Variants in UNC5D observed in about 807,000 individuals in gnomAD.
UNC5D encodes netrin receptor UNC5D.
A neutral mutation model predicts 105.4 loss-of-function variants in UNC5D; 39 were observed. The observed-to-expected ratio is 0.37, with a 90% CI of 0.29 to 0.48. The LOEUF is 0.48. UNC5D is among the 20% of genes least tolerant of loss of function. The pLI is 0.98. For synonymous variants in UNC5D, 452 were observed against 450.4 expected (o/e 1.00, Z -0.04); for missense variants, 991 against 1,202.4 (o/e 0.82, Z 2.60).
intron 1 of UNC5D, among the ~76,000 whole-genome samples, chr8:35,338,204 C>A (rs572035997): frequency 6.6e-6 from 1 of 152,078 alleles, no homozygotes; most frequent in Admixed American, 6.5e-5. Context: ...GAAATTGCAC[C>A]AGAAATTCTT....
At chr8:35,311,373 G>A (rs1392990463) in intron 1 of UNC5D, among the ~76,000 whole-genome samples, 1 of 152,146 alleles carries the variant, frequency 6.6e-6, no homozygotes, top group Admixed American at 6.6e-5. Flanking sequence ...TGGAGTAGTA[G>A]TCAAAAGTTC....
chr8:35,772,579 A>T (rs995637577), intron 15 of UNC5D, among the ~76,000 whole-genome samples: 1 of 152,172 alleles, frequency 6.6e-6, no homozygotes, highest in Non-Finnish European at 1.5e-5. Flanking sequence ...CATAACAGGC[A>T]AGTTTCTAAG....
intron 1 of UNC5D, among the ~76,000 whole-genome samples, chr8:35,398,394 A>G (rs1804233224): frequency 6.6e-6 from 1 of 152,140 alleles, no homozygotes; most frequent in South Asian, 2.1e-4. Flanking sequence ...TTTGTTTAAC[A>G]TCTTTTACCT....
At chr8:35,548,912 T>A (rs1815898133) in intron 1 of UNC5D, among the ~76,000 whole-genome samples, 1 of 152,208 alleles carries the variant, frequency 6.6e-6, no homozygotes, top group African/African-American at 2.4e-5. Flanking sequence ...ATTCTCACCA[T>A]TTTTCAAAAT....
At chr8:35,379,586 G>A (rs901756765) in intron 1 of UNC5D, among the ~76,000 whole-genome samples, 7 of 152,042 alleles carry the variant, frequency 4.6e-5, no homozygotes, top group Admixed American at 1.3e-4. Flanking sequence ...TGCCTGGACC[G>A]TCCTGCACTA....
intron 1 of UNC5D, among the ~76,000 whole-genome samples, chr8:35,238,784 T>C (rs1351869208): frequency 6.6e-6 from 1 of 152,198 alleles, no homozygotes; most frequent in Non-Finnish European, 1.5e-5. Context: ...GAGTAATGCA[T>C]TAATGGCAAG....
chr8:35,416,419 T>C (rs1298971693), intron 1 of UNC5D, among the ~76,000 whole-genome samples: 1 of 152,138 alleles, frequency 6.6e-6, no homozygotes, highest in Non-Finnish European at 1.5e-5. Flanking sequence ...AAATGACTAA[T>C]TGAGAACACA....
At chr8:35,723,195 C>T (rs915354157) in intron 9 of UNC5D, among the ~76,000 whole-genome samples, 11 of 152,022 alleles carry the variant, frequency 7.2e-5, no homozygotes, top group South Asian at 2.1e-4. Flanking sequence ...GTGCCTACAG[C>T]GCGGAACCAG....
intron 11 of UNC5D, among the ~76,000 whole-genome samples, chr8:35,747,668 T>A (rs1253856996): frequency 1.3e-5 from 2 of 152,192 alleles, no homozygotes; most frequent in Non-Finnish European, 2.9e-5. Context: ...CTGATTACTG[T>A]TCTGTAAACT....
chr8:35,699,461 G>A (rs1050508817), intron 7 of UNC5D, among the ~76,000 whole-genome samples: 3 of 152,120 alleles, frequency 2.0e-5, no homozygotes, highest in Non-Finnish European at 4.4e-5. Context: ...CAATAGAACC[G>A]TTTTTCATTT....
intron 12 of UNC5D, 118 bp from the exon 13 acceptor site, chr8:35,750,464 T>G: frequency 9.9e-7 from 1 of 1,014,144 alleles, no homozygotes; most frequent in Non-Finnish European, 1.5e-6. Flanking sequence ...AATTGGGCAA[T>G]AGGACTATTC....
chr8:35,746,204 T>A (rs1829998722), intron 11 of UNC5D, among the ~76,000 whole-genome samples: 1 of 152,152 alleles, frequency 6.6e-6, no homozygotes, highest in Non-Finnish European at 1.5e-5. Flanking sequence ...GTGAGAAATT[T>A]TGGGTTATTT....
At chr8:35,376,848 A>G (rs1047847737) in intron 1 of UNC5D, among the ~76,000 whole-genome samples, 1 of 152,182 alleles carries the variant, frequency 6.6e-6, no homozygotes, top group African/African-American at 2.4e-5. Context: ...AGGAATGATC[A>G]CTGCTATGTC....
intron 1 of UNC5D, among the ~76,000 whole-genome samples, chr8:35,267,780 TC>T: frequency 6.6e-6 from 1 of 152,276 alleles, no homozygotes; most frequent in East Asian, 1.9e-4. Flanking sequence ...TCTCTGGCTG[TC>T]CTAGGCAAAA....
At chr8:35,456,871 CTG>C (rs1808533312) in intron 1 of UNC5D, among the ~76,000 whole-genome samples, 1 of 152,162 alleles carries the variant, frequency 6.6e-6, no homozygotes, top group African/African-American at 2.4e-5. Flanking sequence ...GGATATTGGA[CTG>C]TTTTTGGAGG....
chr8:35,341,425 G>A (rs1441222494), intron 1 of UNC5D, among the ~76,000 whole-genome samples: 3 of 150,952 alleles, frequency 2.0e-5, no homozygotes, highest in Non-Finnish European at 4.4e-5. Context: ...CAGAATGAGC[G>A]TAAGAAGGAG....
chr8:35,442,904 TCACA>T (rs373759766), intron 1 of UNC5D, among the ~76,000 whole-genome samples: 2,744 of 141,264 alleles, frequency 0.019, 28 homozygotes, highest in South Asian at 0.026. Flanking sequence ...TCTCTCTCTC[TCACA>T]CACACACACA....
chr8:35,264,160 A>G (rs545990664), intron 1 of UNC5D, among the ~76,000 whole-genome samples: 9 of 152,340 alleles, frequency 5.9e-5, no homozygotes, highest in Non-Finnish European at 1.2e-4. Context: ...ATATCTAGCT[A>G]TCGCATATAA....
At chr8:35,272,963 C>A (rs1304414440) in intron 1 of UNC5D, among the ~76,000 whole-genome samples, 1 of 152,052 alleles carries the variant, frequency 6.6e-6, no homozygotes, top group Non-Finnish European at 1.5e-5. Context: ...TTAAGGAATG[C>A]CAGGAGAGGC....
Sources: allele counts gnomAD v4.1 joint callset (sites outside exome capture counted in the v4.1 genomes callset), GRCh38; gene constraint gnomAD v4.1.1; transcripts MANE v1.5; gene names NCBI Gene and HGNC (gene_info 2026-07-23, HGNC 2026-07-21).